The following DCC variants were observed in gnomAD, a reference collection of about 807,000 sequenced individuals.
The protein encoded by DCC is DCC netrin 1 receptor.
Under a neutral mutation model 172.5 loss-of-function variants are expected in DCC, and 58 were observed. The ratio of observed to expected loss-of-function variants is 0.34; its 90% CI spans 0.27 to 0.42. The LOEUF (loss-of-function observed/expected upper bound fraction) is 0.42. DCC is among the 10% of genes least tolerant of loss of function. The pLI, the probability that DCC is intolerant of heterozygous loss-of-function variation, is 1.00. For synonymous variants in DCC, 709 were observed against 644.5 expected (o/e 1.10, Z -1.52); for missense variants, 1,740 against 1,791.0 (o/e 0.97, Z 0.51).
At chr18:53,342,613 C>T (rs894719980) in intron 15 of DCC, among the ~76,000 whole-genome samples, 1 of 150,082 alleles carries the variant, frequency 6.7e-6, no homozygotes, top group Non-Finnish European at 1.5e-5. Flanking sequence ...TATAATTTCT[C>T]TAATTTATCT....
intron 1 of DCC, among the ~76,000 whole-genome samples, chr18:52,664,909 G>A (rs1401394640): frequency 6.6e-6 from 1 of 152,124 alleles, no homozygotes; most frequent in Non-Finnish European, 1.5e-5. Flanking sequence ...CTGTATAAAT[G>A]CCCTCCCTCC....
intron 22 of DCC, 60 bp from the exon 23 acceptor site, chr18:53,450,439 CT>C: frequency 6.3e-7 from 1 of 1,584,306 alleles, no homozygotes; most frequent in Non-Finnish European, 8.7e-7. Flanking sequence ...CCCAAGAGAG[CT>C]TGGTAAAACT....
chr18:52,564,687 T>C (rs1450689552), intron 1 of DCC, among the ~76,000 whole-genome samples: 1 of 147,388 alleles, frequency 6.8e-6, no homozygotes, highest in Non-Finnish European at 1.5e-5. Context: ...GGTGTTAAAA[T>C]GCCTCTTTCA....
chr18:52,873,609 C>T lies in DCC; in HGVS notation c.413-32435C>T, dbSNP rs1024011583. Among the ~76,000 whole-genome samples, 11 of 152,224 alleles carry T rather than the reference C, an allele frequency of 7.2e-5. No individual in the cohort carries two copies. In the South Asian group the frequency reaches 1.2e-3, roughly 17 times the overall value. On this transcript the variant is annotated intron_variant, in intron 2 of 28. Transcript: ENST00000442544. Reference sequence around the variant, plus strand: ...ATTAATATATATAGTATTTATAGAACGCTGTGATTCACCAAGGGGGTAAAT... The same window carrying T: ...ATTAATATATATAGTATTTATAGAATGCTGTGATTCACCAAGGGGGTAAAT...
chr18:52,869,081 G>A (rs2039275477), intron 2 of DCC, among the ~76,000 whole-genome samples: 1 of 152,236 alleles, frequency 6.6e-6, no homozygotes, highest in South Asian at 2.1e-4. Context: ...AAGGGTCACA[G>A]CTCTTCTCTA....
intron 5 of DCC, among the ~76,000 whole-genome samples, chr18:53,059,763 ACTT>A (rs1298116759): frequency 1.3e-5 from 2 of 152,072 alleles, no homozygotes; most frequent in East Asian, 1.9e-4. Flanking sequence ...CATTATCCGA[ACTT>A]CTTCTACTCA....
intron 2 of DCC, among the ~76,000 whole-genome samples, chr18:52,856,049 G>A (rs1053039942): frequency 4.0e-5 from 6 of 151,732 alleles, no homozygotes; most frequent in Non-Finnish European, 8.8e-5. Context: ...ACAGGCGTGA[G>A]CCACCGCGCC....
chr18:52,538,240 C>T (rs1598896913), intron 1 of DCC, among the ~76,000 whole-genome samples: 1 of 152,276 alleles, frequency 6.6e-6, no homozygotes, highest in Non-Finnish European at 1.5e-5. Context: ...TAGCTTTCTG[C>T]TGCCTTTCTG....
intron 27 of DCC, among the ~76,000 whole-genome samples, chr18:53,510,642 T>C (rs186002747): frequency 6.6e-6 from 1 of 152,218 alleles, no homozygotes; most frequent in African/African-American, 2.4e-5. Flanking sequence ...CCAAGTACTA[T>C]GTTTGTTTGT....
chr18:53,047,288 AATTTTATATATATATATATAATTT>A (rs2042258151), intron 5 of DCC, among the ~76,000 whole-genome samples: 1 of 15,196 alleles, frequency 6.6e-5, no homozygotes, highest in African/African-American at 5.5e-4. Flanking sequence ...ATATATATAT[AATTTTATATATATATATATAATTT>A]TATATATATA....
chr18:52,815,411 TACACAC>T (rs34924244), intron 2 of DCC, among the ~76,000 whole-genome samples: 19,532 of 149,690 alleles, frequency 0.13, 1,439 homozygotes, highest in Middle Eastern at 0.23. Context: ...TTCTCACACG[TACACAC>T]ACACACACAC....
At chr18:53,381,562 C>A (rs1054611363) in intron 15 of DCC, among the ~76,000 whole-genome samples, 1 of 48,810 alleles carries the variant, frequency 2.0e-5, no homozygotes, top group Non-Finnish European at 4.2e-5. Context: ...TACCCCCCAC[C>A]CCCCCCCCAC....
In DCC at chr18:53,459,117, C is replaced by T. The variant is rs117658776; in HGVS notation, c.3393-115C>T. 770 of 854,374 alleles carry T rather than the reference C, an allele frequency of 9.0e-4. 5 individuals carry two copies. The East Asian group carries it at 0.016, about 18-fold the overall frequency. 52.9% of individuals were successfully genotyped at this position (854,374 alleles called of 1,614,324 possible). ...GCCAATTCCTGGGTTTCACAGGGCT[C>T]ATTCTGCGAGTCCTTTTGTTTCCTT... On this transcript the variant is annotated intron_variant, in intron 23 of 28. Transcript: ENST00000442544.
At chr18:53,047,292 TTATA>T (rs1229921682) in intron 5 of DCC, among the ~76,000 whole-genome samples, 41 of 20,168 alleles carry the variant, frequency 2.0e-3, no homozygotes, top group African/African-American at 6.6e-3. Context: ...ATATATAATT[TTATA>T]TATATATATA....
At chr18:52,761,632 G>T (rs1412305871) in intron 2 of DCC, among the ~76,000 whole-genome samples, 1 of 151,978 alleles carries the variant, frequency 6.6e-6, no homozygotes, top group African/African-American at 2.4e-5. Flanking sequence ...GTTATACTGG[G>T]AATGAACAAA....
intron 25 of DCC, among the ~76,000 whole-genome samples, chr18:53,478,455 G>A (rs1414366770): frequency 6.6e-6 from 1 of 152,192 alleles, no homozygotes; most frequent in East Asian, 1.9e-4. Flanking sequence ...GATATAGATT[G>A]AAGCAGATTA....
chr18:52,388,200 A>T (rs1298568086), intron 1 of DCC, among the ~76,000 whole-genome samples: 5 of 147,712 alleles, frequency 3.4e-5, no homozygotes, highest in Non-Finnish European at 6.0e-5. Context: ...CAACTTCTCT[A>T]TTTTTTTTTT....
intron 7 of DCC, among the ~76,000 whole-genome samples, chr18:53,086,585 CCTTCTTCTTCTT>C (rs755034828): frequency 5.7e-5 from 2 of 35,150 alleles, no homozygotes; most frequent in Non-Finnish European, 1.1e-4. Flanking sequence ...TCTTCTTCTT[CCTTCTTCTTCTT>C]CTTCTTCTTC....
In DCC at chr18:53,534,225, C is replaced by T. The variant is rs961203929; in HGVS notation, c.*3572C>T. The T allele has an allele frequency of 2.0e-5, 3 of 152,108 alleles. No homozygotes were observed. The highest frequency in any genetic ancestry group is 7.2e-5 in the African/African-American group (3 of 41,412). 9.4% of individuals were successfully genotyped at this position (152,108 alleles called of 1,614,324 possible). A position where few individuals can be genotyped will look rare whatever the true frequency, so the allele number is the denominator to read the frequency against. On this transcript the variant is annotated 3_prime_UTR_variant, in exon 29 of 29. Transcript: ENST00000442544. ...TTAGATAAAATTGTGTCCCAGAATT[C>T]TTATGGTTTCGGAATGTACATTTCT... is the stretch of plus-strand genomic sequence containing the variant.
Sources: allele counts gnomAD v4.1 joint callset (sites outside exome capture counted in the v4.1 genomes callset), GRCh38; gene constraint gnomAD v4.1.1; transcripts MANE v1.5; gene names NCBI Gene and HGNC (gene_info 2026-07-23, HGNC 2026-07-21).